EIPR1: variants seen among roughly 807,000 people sequenced by gnomAD.
The protein encoded by EIPR1 is EARP complex and GARP complex interacting protein 1.
A neutral mutation model predicts 48.1 loss-of-function variants in EIPR1; 25 were observed. The observed-to-expected ratio is 0.52, with a 90% CI of 0.38 to 0.73. The LOEUF (loss-of-function observed/expected upper bound fraction) is 0.73. EIPR1 is among the 30% of genes least tolerant of loss of function. EIPR1 has a pLI of 0.00. For missense variants in EIPR1, 415 were observed against 506.2 expected (o/e 0.82, Z 1.73); for synonymous variants, 204 against 201.9 (o/e 1.01, Z -0.09).
Position 3,212,626 on chromosome 2 carries a change from C to T in EIPR1, c.516+1523G>A, listed in dbSNP as rs573722098. The stretch of plus-strand genomic sequence containing the variant: ...ACAGGGAGGGAAGGGACAAGGAAGG[C>T]ATCGCCTTCCACCATGACCAGGACT... On this transcript the variant is annotated intron_variant, in intron 5 of 8. Transcript: ENST00000382125. 2.0e-4 allele frequency among the ~76,000 whole-genome samples: 30 copies of T among 152,310 alleles called. No homozygotes were observed. The South Asian group carries it at 3.5e-3, about 18-fold the overall frequency.
At chr2:3,245,547 C>A (rs539482831) in intron 4 of EIPR1, among the ~76,000 whole-genome samples, 19 of 152,310 alleles carry the variant, frequency 1.2e-4, no homozygotes, top group African/African-American at 4.6e-4. Context: ...TTTAAACAAA[C>A]TTGAAAGAAG....
intron 6 of EIPR1, 108 bp downstream of exon 6, chr2:3,196,773 C>CCG: frequency 7.0e-7 from 1 of 1,436,812 alleles, no homozygotes; most frequent in South Asian, 1.4e-5. Context: ...TAAAGACAAA[C>CCG]CATGCGCCCC....
At chr2:3,282,274 T>G (rs1254250730) in intron 3 of EIPR1, among the ~76,000 whole-genome samples, 1 of 152,206 alleles carries the variant, frequency 6.6e-6, no homozygotes, top group Non-Finnish European at 1.5e-5. Flanking sequence ...GGCCTGAAGA[T>G]GGACAGCTCT....
chr2:3,214,325 T>A, intron 4 of EIPR1, 77 bp from the exon 5 acceptor site: 1 of 1,326,778 alleles, frequency 7.5e-7, no homozygotes, highest in Non-Finnish European at 1.1e-6. Context: ...CTGTGATACA[T>A]GTTCTTCATG....
At chr2:3,297,796 A>G (rs1325286064) in intron 3 of EIPR1, among the ~76,000 whole-genome samples, 1 of 152,144 alleles carries the variant, frequency 6.6e-6, no homozygotes, top group East Asian at 1.9e-4. Context: ...CCTCTCCTAG[A>G]CCATGAAAAG....
At chr2:3,202,038 C>G (rs775449168) in intron 5 of EIPR1, among the ~76,000 whole-genome samples, 1 of 152,108 alleles carries the variant, frequency 6.6e-6, no homozygotes, top group Non-Finnish European at 1.5e-5. Flanking sequence ...CCGGGGTTCA[C>G]GCCATTCTCC....
intron 4 of EIPR1, among the ~76,000 whole-genome samples, chr2:3,218,724 T>A (rs575722035): frequency 2.0e-3 from 180 of 92,068 alleles, no homozygotes; most frequent in Middle Eastern, 0.011. Context: ...GCTCTAGAGC[T>A]TTCACAGTGA....
At chr2:3,319,156 G>A in intron 3 of EIPR1, 1 of 339,694 alleles carries the variant, frequency 2.9e-6, no homozygotes, top group Non-Finnish European at 5.9e-6. Flanking sequence ...TCTCCATCCT[G>A]CGTGACAAAA....
intron 3 of EIPR1, among the ~76,000 whole-genome samples, chr2:3,305,623 A>G (rs1409211226): frequency 6.6e-6 from 1 of 152,186 alleles, no homozygotes; most frequent in Non-Finnish European, 1.5e-5. Context: ...CACAGACCTG[A>G]CAACCCTGGG....
chr2:3,212,235 C>T (rs1457069183), intron 5 of EIPR1, among the ~76,000 whole-genome samples: 5 of 152,202 alleles, frequency 3.3e-5, no homozygotes, highest in Middle Eastern at 3.2e-3. Flanking sequence ...AATCACCCTA[C>T]CATGAAATCC....
intron 3 of EIPR1, among the ~76,000 whole-genome samples, chr2:3,318,642 T>C (rs1669392079): frequency 6.6e-6 from 1 of 152,226 alleles, no homozygotes; most frequent in Admixed American, 6.5e-5. Flanking sequence ...TGCTCCCTAC[T>C]GTCTGAAGCC....
chr2:3,357,948 G>T (rs774825352), intron 1 of EIPR1, among the ~76,000 whole-genome samples: 8 of 151,974 alleles, frequency 5.3e-5, no homozygotes, highest in Non-Finnish European at 1.0e-4. Context: ...ATTCATTTTG[G>T]GTTTCTGACT....
chr2:3,347,410 TGA>T, intron 2 of EIPR1, among the ~76,000 whole-genome samples: 1 of 152,326 alleles, frequency 6.6e-6, no homozygotes, highest in East Asian at 1.9e-4. Flanking sequence ...ATAAGTCTCA[TGA>T]GATCTGATGG....
chr2:3,270,890 T>C (rs1298271802), intron 3 of EIPR1, among the ~76,000 whole-genome samples: 2 of 152,254 alleles, frequency 1.3e-5, no homozygotes, highest in East Asian at 3.8e-4. Flanking sequence ...CTCTAGCATG[T>C]GATGCTATTT....
chr2:3,272,233 T>TTG (rs1428636347), intron 3 of EIPR1, among the ~76,000 whole-genome samples: 7 of 152,230 alleles, frequency 4.6e-5, no homozygotes, highest in Non-Finnish European at 8.8e-5. Flanking sequence ...TTTTCTCCAT[T>TTG]ATCAGCAAGA....
At chr2:3,290,380 T>C (rs189665412) in intron 3 of EIPR1, among the ~76,000 whole-genome samples, 3 of 152,328 alleles carry the variant, frequency 2.0e-5, no homozygotes, top group East Asian at 1.9e-4. Context: ...TTTTTAAAGA[T>C]GTTATTTTAC....
intron 3 of EIPR1, among the ~76,000 whole-genome samples, chr2:3,329,155 C>T (rs1276667850): frequency 1.2e-4 from 17 of 147,514 alleles, no homozygotes; most frequent in Admixed American, 4.7e-4. Context: ...TGAATCAGAG[C>T]CCACCCACCA....
chr2:3,317,966 C>T (rs942716367), intron 3 of EIPR1, among the ~76,000 whole-genome samples: 4 of 152,250 alleles, frequency 2.6e-5, no homozygotes, highest in Admixed American at 6.5e-5. Flanking sequence ...CTGCTTCAGC[C>T]GTCCAGGCTG....
At chr2:3,205,497 C>T (rs1411955741) in intron 5 of EIPR1, among the ~76,000 whole-genome samples, 1 of 152,208 alleles carries the variant, frequency 6.6e-6, no homozygotes, top group Non-Finnish European at 1.5e-5. Flanking sequence ...TGCAAAGCAG[C>T]TGAGGCCTTC....
Sources: gnomAD v4.1 joint callset for allele counts (sites outside exome capture counted in the v4.1 genomes callset) on GRCh38, gnomAD v4.1.1 for gene constraint, MANE v1.5 for transcripts, NCBI Gene and HGNC (gene_info 2026-07-23, HGNC 2026-07-21) for gene names.